The following SNX24 variants were observed in gnomAD, a reference collection of about 807,000 sequenced individuals.
The protein encoded by SNX24 is sorting nexin 24.
In SNX24, 22 loss-of-function variants were observed where a neutral mutation model predicts 28.7. The ratio of observed to expected loss-of-function variants is 0.77; its 90% CI spans 0.55 to 1.10. SNX24 has a LOEUF of 1.10. SNX24 is among the 50% of genes least tolerant of loss of function. The pLI, the probability that SNX24 is intolerant of heterozygous loss-of-function variation, is 0.00. For missense variants in SNX24, 221 were observed against 201.1 expected, an observed-to-expected ratio of 1.10 and a Z score of -0.60; for synonymous variants, 69 against 71.5, an observed-to-expected ratio of 0.96 and a Z score of 0.18.
chr5:122,946,039 T>A lies in SNX24; in HGVS notation c.145-16T>A. 7.8e-7 allele frequency: 1 copy of A among 1,287,490 alleles called. No homozygotes were observed. Among genetic ancestry groups the A allele is most frequent in the Non-Finnish European group, 1.1e-6 (1 of 919,306 alleles). 79.8% of individuals were successfully genotyped at this position (1,287,490 alleles called of 1,614,324 possible). The stretch of plus-strand genomic sequence containing the variant: ...GTTTTTTTTTTTCTTTTTCTTTTCC[T>A]ATTCTGTCTTTATAGCTTAAGAAAT... On this transcript the variant is annotated splice_polypyrimidine_tract_variant and intron_variant, in intron 2 of 6. Coordinates refer to ENST00000261369, the MANE Select transcript of SNX24 (RefSeq NM_014035.4).
chr5:122,998,148 AG>A (rs1181703229), intron 3 of SNX24: 4 of 152,118 alleles, frequency 2.6e-5, no homozygotes, highest in Non-Finnish European at 5.9e-5. Flanking sequence ...CTCTGGATAA[AG>A]GAGGTTTTTT....
chr5:123,005,638 A>AT (rs1762398751), intron 6 of SNX24, among the ~76,000 whole-genome samples: 1 of 152,204 alleles, frequency 6.6e-6, no homozygotes, highest in South Asian at 2.1e-4. Flanking sequence ...CGACTTCTAT[A>AT]TTGTGAGTGG....
Position 123,007,782 on chromosome 5 carries a change from G to T in SNX24, c.*33G>T. On this transcript the variant is annotated 3_prime_UTR_variant, in exon 7 of 7. Coordinates refer to ENST00000261369, the MANE Select transcript of SNX24 (RefSeq NM_014035.4). ...ACATGGCTAAAAGAAGCAGAAGCAA[G>T]TTTCGAAGTCACAGTCAAGGAAATC... 1 of 1,581,124 alleles carries T rather than the reference G, an allele frequency of 6.3e-7. No homozygotes were observed. The highest frequency in any genetic ancestry group is 2.2e-5 in the East Asian group (1 of 44,594).
intron 3 of SNX24, among the ~76,000 whole-genome samples, chr5:122,984,249 G>A (rs1183927747): frequency 6.6e-6 from 1 of 151,882 alleles, no homozygotes; most frequent in African/African-American, 2.4e-5. Context: ...TTAAAAGTAT[G>A]TAGGCATTTC....
rs143406700 is a variant in SNX24, at chr5:122,973,861, C to G, written c.250-26051C>G. Among the ~76,000 whole-genome samples, 862 of 152,244 alleles carry G rather than the reference C, an allele frequency of 5.7e-3. 12 individuals carry two copies. Among genetic ancestry groups the G allele is most frequent in the African/African-American group, 0.019 (779 of 41,528 alleles). ...GGCCTTGCTCCAAAAATCTTAGAGGCCTTTGCTGTAATTCACCTATGAGGG... is the reference window on the plus strand; with the variant it reads ...GGCCTTGCTCCAAAAATCTTAGAGGGCTTTGCTGTAATTCACCTATGAGGG... On this transcript the variant is annotated intron_variant, in intron 3 of 6. Transcript: ENST00000261369.
intron 1 of SNX24, among the ~76,000 whole-genome samples, chr5:122,933,380 TCA>T (rs772446094): frequency 6.6e-6 from 1 of 152,172 alleles, no homozygotes; most frequent in Non-Finnish European, 1.5e-5. Flanking sequence ...GGAGGCCTCC[TCA>T]GCTGCAGGCA....
At chr5:122,973,956 A>T (rs1761060637) in intron 3 of SNX24, among the ~76,000 whole-genome samples, 1 of 152,224 alleles carries the variant, frequency 6.6e-6, no homozygotes, top group African/African-American at 2.4e-5. Context: ...ATATGGCTCA[A>T]GTGGCAGAGC....
At chr5:122,989,977 T>C (rs1211055513) in intron 3 of SNX24, among the ~76,000 whole-genome samples, 1 of 152,256 alleles carries the variant, frequency 6.6e-6, no homozygotes, top group Admixed American at 6.5e-5. Context: ...CCCAGTAGGC[T>C]ACTATTCCTA....
intron 1 of SNX24, among the ~76,000 whole-genome samples, chr5:122,932,769 G>A (rs1338441550): frequency 7.4e-5 from 11 of 149,124 alleles, no homozygotes; most frequent in African/African-American, 2.7e-4. Context: ...TGAGGCAGGA[G>A]AATGGCGTGA....
Position 122,970,299 on chromosome 5 carries a change from T to TA in SNX24, c.249+24145dup, listed in dbSNP as rs532084541. ...TTTATTAAATGAACTGCTCTATTTC[T>TA]AAAAACTTTATTTTTAAAGTCCTTT... is the stretch of plus-strand genomic sequence containing the variant. On this transcript the variant is annotated intron_variant, in intron 3 of 6. Transcript: ENST00000261369. Among the ~76,000 whole-genome samples, 553 of 151,876 alleles carry TA rather than the reference T, an allele frequency of 3.6e-3. 1 individual carries two copies. Among genetic ancestry groups the TA allele is most frequent in the Non-Finnish European group, 5.5e-3 (373 of 67,970 alleles).
intron 1 of SNX24, among the ~76,000 whole-genome samples, chr5:122,876,296 T>G (rs154500): frequency 0.77 from 117,779 of 152,184 alleles, 46,549 homozygotes; most frequent in East Asian, 0.99. Flanking sequence ...CCTAGAGATG[T>G]ATTCATTTTC....
intron 3 of SNX24, among the ~76,000 whole-genome samples, chr5:122,978,014 T>C (rs1761239519): frequency 1.3e-5 from 2 of 152,174 alleles, no homozygotes; most frequent in South Asian, 4.1e-4. Context: ...TGGTGGAATG[T>C]TTCAATTTTT....
intron 2 of SNX24, among the ~76,000 whole-genome samples, chr5:122,939,853 C>T (rs986053729): frequency 6.6e-6 from 1 of 152,180 alleles, no homozygotes; most frequent in Non-Finnish European, 1.5e-5. Context: ...TAACCTACCT[C>T]CATCACACAC....
At position 122,999,893 on chromosome 5, in the gene SNX24, C is replaced by T. The variant is rs1762185108; in HGVS notation, c.250-19C>T. 2.0e-6 allele frequency: 3 copies of T among 1,499,184 alleles called. No individual in the cohort carries two copies. The highest frequency in any genetic ancestry group is 1.1e-5 in the South Asian group (1 of 88,672). 92.9% of individuals were successfully genotyped at this position (1,499,184 alleles called of 1,614,324 possible). A position where few individuals can be genotyped will look rare whatever the true frequency, so the allele number is the denominator to read the frequency against. On this transcript the variant is annotated intron_variant, in intron 3 of 6. Transcript: ENST00000261369. The stretch of plus-strand genomic sequence containing the variant: ...GCAAACTTCACTTCAGTTTCGAATT[C>T]TGTTTTCTGCTTTCACAGGCTGTCA...
chr5:122,983,174 T>C (rs1761459996), intron 3 of SNX24: 2 of 145,648 alleles, frequency 1.4e-5, no homozygotes, highest in African/African-American at 4.9e-5. Context: ...TGAGACATAT[T>C]CTCAAGTGAG....
At chr5:122,898,105 G>T (rs1757280013) in intron 1 of SNX24, among the ~76,000 whole-genome samples, 1 of 152,152 alleles carries the variant, frequency 6.6e-6, no homozygotes, top group African/African-American at 2.4e-5. Context: ...ATTGTGATCT[G>T]TTGTCTGAAA....
intron 3 of SNX24, among the ~76,000 whole-genome samples, chr5:122,961,951 G>A (rs1205920217): frequency 6.6e-6 from 1 of 152,110 alleles, no homozygotes; most frequent in African/African-American, 2.4e-5. Flanking sequence ...AGAAGCTTTT[G>A]TTTTGTAAAT....
chr5:122,975,106 A>G (rs562443568), intron 3 of SNX24, among the ~76,000 whole-genome samples: 3 of 152,274 alleles, frequency 2.0e-5, no homozygotes, highest in South Asian at 4.2e-4. Flanking sequence ...CAGGTGTGCT[A>G]TTCTTAAACC....
chr5:122,908,055 T>C (rs1002064940), intron 1 of SNX24, among the ~76,000 whole-genome samples: 1 of 152,226 alleles, frequency 6.6e-6, no homozygotes, highest in African/African-American at 2.4e-5. Flanking sequence ...CACAAATAGA[T>C]TGTCCTCATC....
Sources: gnomAD v4.1 joint callset for allele counts (sites outside exome capture counted in the v4.1 genomes callset) on GRCh38, gnomAD v4.1.1 for gene constraint, MANE v1.5 for transcripts, NCBI Gene and HGNC (gene_info 2026-07-23, HGNC 2026-07-21) for gene names.